SH3GL3: variants seen among roughly 807,000 people sequenced by gnomAD.
The protein encoded by SH3GL3 is SH3 domain containing GRB2 like 3, endophilin A3, also known as endophilin-A3.
A neutral mutation model predicts 47.7 loss-of-function variants in SH3GL3; 33 were observed. The ratio of observed to expected loss-of-function variants is 0.69; its 90% CI spans 0.52 to 0.92. The LOEUF (loss-of-function observed/expected upper bound fraction) is 0.92. SH3GL3 is among the 40% of genes least tolerant of loss of function. The probability of loss-of-function intolerance (pLI) is 0.00; values close to 1 mark genes in which losing one functional copy is unlikely to be tolerated. For missense variants in SH3GL3, 363 were observed against 417.8 expected (o/e 0.87, Z 1.14); for synonymous variants, 155 against 148.8 (o/e 1.04, Z -0.30).
At chr15:83,574,602 G>T (rs2059625827) in intron 5 of SH3GL3, among the ~76,000 whole-genome samples, 1 of 152,008 alleles carries the variant, frequency 6.6e-6, no homozygotes, top group South Asian at 2.1e-4. Context: ...CCACAGCCAG[G>T]GCACCCTTTC....
chr15:83,592,676 C>G (rs908280320), intron 8 of SH3GL3, among the ~76,000 whole-genome samples: 1 of 152,210 alleles, frequency 6.6e-6, no homozygotes, highest in Admixed American at 6.5e-5. Context: ...ATTTTAAGCT[C>G]GCTGAGGAAT....
At chr15:83,524,421 T>C (rs1050265452) in intron 1 of SH3GL3, among the ~76,000 whole-genome samples, 2 of 152,226 alleles carry the variant, frequency 1.3e-5, no homozygotes, top group South Asian at 4.1e-4. Flanking sequence ...GTTTATGGAA[T>C]ACATGTAATA....
intron 8 of SH3GL3, among the ~76,000 whole-genome samples, chr15:83,598,789 TC>T (rs1432489707): frequency 5.3e-5 from 8 of 152,322 alleles, no homozygotes; most frequent in Admixed American, 2.6e-4. Flanking sequence ...AGGAGAGGCC[TC>T]CGGTTAAAAG....
intron 1 of SH3GL3, among the ~76,000 whole-genome samples, chr15:83,545,734 C>T (rs1161318779): frequency 3.9e-5 from 6 of 152,196 alleles, no homozygotes; most frequent in African/African-American, 1.4e-4. Flanking sequence ...GCTATATGTG[C>T]ATTAGGGAGT....
chr15:83,599,615 C>G (rs2060328521), intron 8 of SH3GL3, among the ~76,000 whole-genome samples: 1 of 152,118 alleles, frequency 6.6e-6, no homozygotes, highest in African/African-American at 2.4e-5. Context: ...TGGGCTGGTC[C>G]CATATTTTTG....
downstream of SH3GL3, among the ~76,000 whole-genome samples, chr15:83,622,982 C>T (rs577874782): frequency 6.6e-6 from 1 of 152,358 alleles, no homozygotes; most frequent in East Asian, 1.9e-4. Context: ...AAGTGCAGAA[C>T]GCCCCTCCTG....
Position 83,572,677 on chromosome 15 carries a change from T to A in SH3GL3, c.444T>A (p.Asp148Glu). The A allele has an allele frequency of 1.2e-6, 2 of 1,610,176 alleles. No individual in the cohort carries two copies. Among genetic ancestry groups the A allele is most frequent in the Non-Finnish European group, 1.7e-6 (2 of 1,176,554 alleles). The change falls in exon 5 of 9, where the codon GAT (aspartate) becomes GAA (glutamate). Residue 148 changes from aspartate (D) to glutamate (E), a missense_variant. Coordinates refer to ENST00000427482, the MANE Select transcript of SH3GL3 (RefSeq NM_003027.5). ...TFIDPLQLLQDKDLKEIGHHL... is the reference protein window; with the variant it reads ...TFIDPLQLLQEKDLKEIGHHL... ...TTGATCCACTTCAGTTACTACAAGA[T>A]AAAGATTTAAAAGAGATCGGGGTAA...
At chr15:83,482,212 T>C (rs1227844314) in intron 1 of SH3GL3, among the ~76,000 whole-genome samples, 2 of 152,232 alleles carry the variant, frequency 1.3e-5, no homozygotes, top group Non-Finnish European at 2.9e-5. Flanking sequence ...CAAATTTACC[T>C]TTATATATGA....
chr15:83,491,648 A>T (rs1200839412), intron 1 of SH3GL3, among the ~76,000 whole-genome samples: 1 of 152,170 alleles, frequency 6.6e-6, no homozygotes, highest in Non-Finnish European at 1.5e-5. Flanking sequence ...TGCTGTAAGG[A>T]GTGGAAGAAT....
chr15:83,487,468 A>G (rs575234212), intron 1 of SH3GL3, among the ~76,000 whole-genome samples: 2 of 151,854 alleles, frequency 1.3e-5, no homozygotes, highest in South Asian at 4.2e-4. Context: ...ATTTTGGGGG[A>G]ATGTGCCCTT....
intron 2 of SH3GL3, among the ~76,000 whole-genome samples, chr15:83,561,583 A>G (rs1019611669): frequency 1.3e-5 from 2 of 152,214 alleles, no homozygotes; most frequent in African/African-American, 4.8e-5. Context: ...AGATTAATAA[A>G]ATAGAAAACA....
chr15:83,591,627 A>G (rs982137180), intron 8 of SH3GL3, among the ~76,000 whole-genome samples: 1 of 152,142 alleles, frequency 6.6e-6, no homozygotes, highest in Non-Finnish European at 1.5e-5. Flanking sequence ...GAATTTTCTC[A>G]TTATTAAAAC....
intron 1 of SH3GL3, among the ~76,000 whole-genome samples, chr15:83,558,887 CTAT>C (rs2045101071): frequency 6.6e-6 from 1 of 152,176 alleles, no homozygotes; most frequent in Non-Finnish European, 1.5e-5. Flanking sequence ...GTCTCTAGTA[CTAT>C]TATTTTTTAA....
chr15:83,556,587 G>A (rs2044971714), intron 1 of SH3GL3, among the ~76,000 whole-genome samples: 5 of 152,188 alleles, frequency 3.3e-5, no homozygotes, highest in Admixed American at 2.6e-4. Flanking sequence ...AACTCTCCAA[G>A]CCAAAGGGAT....
At chr15:83,568,423 T>C (rs950393102) in intron 3 of SH3GL3, 106 bp from the exon 4 acceptor site, 19 of 790,176 alleles carry the variant, frequency 2.4e-5, no homozygotes, top group Non-Finnish European at 3.7e-5. Flanking sequence ...GTCTCTGGCA[T>C]TTTGTTTAAG....
chr15:83,516,067 G>C (rs754942542), intron 1 of SH3GL3, among the ~76,000 whole-genome samples: 1 of 147,392 alleles, frequency 6.8e-6, no homozygotes, highest in Non-Finnish European at 1.5e-5. Flanking sequence ...TGTACACTTA[G>C]GGGATTAAAG....
At chr15:83,523,036 T>A (rs965393233) in intron 1 of SH3GL3, among the ~76,000 whole-genome samples, 1 of 152,222 alleles carries the variant, frequency 6.6e-6, no homozygotes, top group Non-Finnish European at 1.5e-5. Flanking sequence ...ATTTAAAATG[T>A]CTTCAATTAT....
At chr15:83,604,422 C>T (rs1311885602) in intron 8 of SH3GL3, among the ~76,000 whole-genome samples, 1 of 152,156 alleles carries the variant, frequency 6.6e-6, no homozygotes, top group Non-Finnish European at 1.5e-5. Context: ...AGCTCACAGA[C>T]TGGCAGTGTA....
At chr15:83,501,674 CT>C (rs2042300854) in intron 1 of SH3GL3, among the ~76,000 whole-genome samples, 1 of 152,224 alleles carries the variant, frequency 6.6e-6, no homozygotes, top group South Asian at 2.1e-4. Flanking sequence ...GGCAGATCAC[CT>C]GAGGTCAGGA....
Sources: allele counts gnomAD v4.1 joint callset (sites outside exome capture counted in the v4.1 genomes callset), GRCh38; gene constraint gnomAD v4.1.1; transcripts MANE v1.5; gene names NCBI Gene and HGNC (gene_info 2026-07-23, HGNC 2026-07-21).